The following DNAJC6 variants were observed in gnomAD, a reference collection of about 807,000 sequenced individuals.
DNAJC6 encodes DnaJ heat shock protein family (Hsp40) member C6.
A neutral mutation model predicts 110.0 loss-of-function variants in DNAJC6; 34 were observed. The observed-to-expected ratio is 0.31, with a 90% CI of 0.24 to 0.41. The LOEUF (loss-of-function observed/expected upper bound fraction) is 0.41, where lower values mean the gene tolerates loss of function less well. DNAJC6 is among the 10% of genes least tolerant of loss of function. DNAJC6 has a pLI of 1.00. For missense variants in DNAJC6, 1,031 were observed against 1,207.8 expected (o/e 0.85, Z 2.17); for synonymous variants, 406 against 437.2 (o/e 0.93, Z 0.89).
chr1:65,310,131 G>A (rs1645085113), intron 1 of DNAJC6, among the ~76,000 whole-genome samples, 193 bp downstream of exon 1: 1 of 141,956 alleles, frequency 7.0e-6, no homozygotes, highest in South Asian at 2.1e-4. Context: ...CGAAACGTTA[G>A]ATCAGTCCTG....
chr1:65,365,961 C>T (rs945960756), intron 3 of DNAJC6, 27 bp downstream of exon 3: 5 of 1,613,026 alleles, frequency 3.1e-6, no homozygotes, highest in Non-Finnish European at 3.4e-6. Context: ...TATTAACAGT[C>T]CTTTGGCTCA....
At chr1:65,319,281 C>T (rs1471325390) in intron 1 of DNAJC6, among the ~76,000 whole-genome samples, 2 of 152,214 alleles carry the variant, frequency 1.3e-5, no homozygotes, top group African/African-American at 4.8e-5. Context: ...CACAAGCTTT[C>T]ACCAGGCTTT....
chr1:65,277,899 T>G (rs984616363), intron 1 of DNAJC6, among the ~76,000 whole-genome samples: 5 of 152,218 alleles, frequency 3.3e-5, no homozygotes, highest in African/African-American at 1.2e-4. Flanking sequence ...AGCTTCCAAG[T>G]AAGCACACAG....
chr1:65,307,275 A>G (rs962847510), upstream of DNAJC6, among the ~76,000 whole-genome samples: 1 of 151,878 alleles, frequency 6.6e-6, no homozygotes, highest in African/African-American at 2.4e-5. Flanking sequence ...TGCTTCTTAT[A>G]TCTTCAATTT....
intron 4 of DNAJC6, among the ~76,000 whole-genome samples, chr1:65,375,056 T>C (rs915913009): frequency 1.3e-5 from 2 of 151,064 alleles, no homozygotes; most frequent in African/African-American, 4.9e-5. Flanking sequence ...CTCCGCCTCC[T>C]GGATTCAAGC....
At chr1:65,374,110 TG>T (rs1488639941) in intron 4 of DNAJC6, among the ~76,000 whole-genome samples, 1 of 152,186 alleles carries the variant, frequency 6.6e-6, no homozygotes, top group Non-Finnish European at 1.5e-5. Context: ...GACTTATATC[TG>T]GGTTCTCTAT....
chr1:65,363,316 C>T (rs1645615196), intron 1 of DNAJC6, among the ~76,000 whole-genome samples: 1 of 152,156 alleles, frequency 6.6e-6, no homozygotes, highest in South Asian at 2.1e-4. Context: ...TCATATGCCA[C>T]ATAGCTCCTT....
chr1:65,264,802 G>A, exon 1 of DNAJC6: 2 of 1,548,484 alleles, frequency 1.3e-6, no homozygotes, highest in Non-Finnish European at 1.7e-6. Context: ...CTCCTCCGTT[G>A]AGAGACTTCG....
In DNAJC6 at chr1:65,414,744, A is replaced by C. The variant is rs915956179; in HGVS notation, c.*1719A>C. On this transcript the variant is annotated 3_prime_UTR_variant, in exon 19 of 19. Coordinates refer to ENST00000371069, the MANE Select transcript of DNAJC6 (RefSeq NM_001256864.2). ...AGGTGTTATTTATTAACGTATTATAAAATAATGTTTGATCCAGTATGTGCT... is the reference window on the plus strand; with the variant it reads ...AGGTGTTATTTATTAACGTATTATACAATAATGTTTGATCCAGTATGTGCT... 1 of 152,636 alleles carries C rather than the reference A, an allele frequency of 6.6e-6. No homozygotes were observed. The highest frequency in any genetic ancestry group is 1.5e-5 in the Non-Finnish European group (1 of 68,044). The allele number at this position is 152,636 out of a possible 1,614,324, so 9.5% of individuals were successfully genotyped here. A position where few individuals can be genotyped will look rare whatever the true frequency, so the allele number is the denominator to read the frequency against.
chr1:65,274,989 C>T (rs920939270), intron 1 of DNAJC6, among the ~76,000 whole-genome samples: 2 of 152,132 alleles, frequency 1.3e-5, no homozygotes, highest in Non-Finnish European at 2.9e-5. Context: ...CAATGTTAGG[C>T]GCTTAGAAGA....
intron 1 of DNAJC6, among the ~76,000 whole-genome samples, chr1:65,290,604 C>T (rs765765626): frequency 2.0e-5 from 3 of 152,140 alleles, no homozygotes; most frequent in Non-Finnish European, 2.9e-5. Flanking sequence ...ATGTGATCTT[C>T]GGCAAGGCAG....
At chr1:65,307,796 A>C (rs116694412), upstream of DNAJC6, among the ~76,000 whole-genome samples, 1,569 of 152,324 alleles carry the variant, frequency 0.01, 15 homozygotes, top group Non-Finnish European at 0.012. Flanking sequence ...TGGAAAATTG[A>C]AAGTATAAAA....
intron 1 of DNAJC6, among the ~76,000 whole-genome samples, chr1:65,313,171 G>C (rs1000128707): frequency 4.0e-5 from 6 of 151,750 alleles, no homozygotes; most frequent in Non-Finnish European, 8.8e-5. Flanking sequence ...TCCTGCCTCA[G>C]CCTCTTGAGT....
At chr1:65,318,039 G>C (rs1645163667) in intron 1 of DNAJC6, among the ~76,000 whole-genome samples, 1 of 152,164 alleles carries the variant, frequency 6.6e-6, no homozygotes, top group Non-Finnish European at 1.5e-5. Context: ...TGCTATAGCA[G>C]ATGGTGCTGG....
At position 65,319,878 on chromosome 1, in the gene DNAJC6, C is replaced by G. The variant is rs555561958; in HGVS notation, c.193+9940C>G. The stretch of plus-strand genomic sequence containing the variant: ...CCATCTTCAACTTCCTTATCCCTCT[C>G]TCTTCTCCTTTGCCTCTTGTACTCA... On this transcript the variant is annotated intron_variant, in intron 1 of 18. Coordinates refer to ENST00000371069, the MANE Select transcript of DNAJC6 (RefSeq NM_001256864.2). Among the ~76,000 whole-genome samples the G allele has an allele frequency of 3.9e-5, 6 of 152,258 alleles. No homozygotes were observed. In the East Asian group the frequency reaches 1.2e-3, roughly 29 times the overall value.
At chr1:65,304,833 G>A (rs1262389082), upstream of DNAJC6, among the ~76,000 whole-genome samples, 1 of 152,230 alleles carries the variant, frequency 6.6e-6, no homozygotes, top group Non-Finnish European at 1.5e-5. Flanking sequence ...ACATTGGGAA[G>A]TAGTAGTGAA....
At chr1:65,397,845 G>A (rs1645994000) in intron 13 of DNAJC6, among the ~76,000 whole-genome samples, 1 of 152,148 alleles carries the variant, frequency 6.6e-6, no homozygotes, top group Non-Finnish European at 1.5e-5. Flanking sequence ...AGATGACTTG[G>A]TTGGTACTAA....
At chr1:65,290,394 C>A (rs1176472904) in intron 1 of DNAJC6, among the ~76,000 whole-genome samples, 1 of 152,124 alleles carries the variant, frequency 6.6e-6, no homozygotes, top group East Asian at 1.9e-4. Flanking sequence ...ACAGTTCCTA[C>A]TTTTTGAGTA....
chr1:65,402,922 T>TA (rs1260150581), intron 15 of DNAJC6, among the ~76,000 whole-genome samples: 30 of 152,346 alleles, frequency 2.0e-4, no homozygotes, highest in African/African-American at 7.0e-4. Context: ...TTTACTTCAA[T>TA]AAAATCTCAT....
Sources: gnomAD v4.1 joint callset for allele counts (sites outside exome capture counted in the v4.1 genomes callset) on GRCh38, gnomAD v4.1.1 for gene constraint, MANE v1.5 for transcripts, NCBI Gene and HGNC (gene_info 2026-07-23, HGNC 2026-07-21) for gene names.